JMJD7: variants seen among roughly 807,000 people sequenced by gnomAD.
JMJD7 encodes jumonji domain containing 7.
A neutral mutation model predicts 41.1 loss-of-function variants in JMJD7; 41 were observed. That is an observed-to-expected ratio of 1.00 (90% CI 0.78 to 1.30). The LOEUF (loss-of-function observed/expected upper bound fraction) is 1.30. Ranked by LOEUF, JMJD7 falls within the 50% of genes most tolerant of loss-of-function variation. The pLI, the probability that JMJD7 is intolerant of heterozygous loss-of-function variation, is 0.00. For missense variants in JMJD7, 480 were observed against 420.7 expected, an observed-to-expected ratio of 1.14 and a Z score of -1.23; for synonymous variants, 202 against 177.2, an observed-to-expected ratio of 1.14 and a Z score of -1.11.
intron 5 of JMJD7, 35 bp from the exon 6 acceptor site, chr15:41,836,440 G>A (rs1465952351): frequency 6.4e-7 from 1 of 1,561,854 alleles, no homozygotes; most frequent in Non-Finnish European, 8.7e-7. Flanking sequence ...CAGGCTGTTT[G>A]CAATTCCCCC....
chr15:41,830,098 C>T (rs1192455920), intron 1 of JMJD7, among the ~76,000 whole-genome samples: 1 of 152,114 alleles, frequency 6.6e-6, no homozygotes, highest in African/African-American at 2.4e-5. Context: ...CCTGCATCCC[C>T]GAGGCAGCCG....
intron 6 of JMJD7, 86 bp from the exon 7 acceptor site, chr15:41,836,695 C>T (rs1413886656): frequency 2.0e-6 from 3 of 1,490,254 alleles, no homozygotes; most frequent in Non-Finnish European, 2.7e-6. Context: ...CCAAGCAGGG[C>T]CTGTGGTGTT....
chr15:41,836,123 C>T (rs1445051668), intron 4 of JMJD7, 25 bp from the exon 5 acceptor site: 29 of 1,569,964 alleles, frequency 1.8e-5, no homozygotes, highest in Non-Finnish European at 2.4e-5. Flanking sequence ...CATACCCTGC[C>T]CCCGGGCCTT....
intron 1 of JMJD7, among the ~76,000 whole-genome samples, chr15:41,833,489 T>G (rs2065264718): frequency 7.0e-6 from 1 of 143,846 alleles, no homozygotes; most frequent in South Asian, 2.2e-4. Flanking sequence ...GGCACGATGA[T>G]AGCTCATTGC....
At chr15:41,836,305 G>T in intron 5 of JMJD7, 62 bp downstream of exon 5, 1 of 1,600,946 alleles carries the variant, frequency 6.2e-7, no homozygotes, top group Non-Finnish European at 8.5e-7. Flanking sequence ...GAGGGAGGCA[G>T]CAAGAGCCTG....
rs570637720 is a variant in JMJD7 at position 41,835,570 on chromosome 15, C to A, written c.473-18C>A. ...CAGCCTGGCCTTCCTAACTTGCTCT[C>A]TGCCTTCTGCCCTGCAGGAAAGATG... On this transcript the variant is annotated intron_variant, in intron 3 of 7. Transcript: ENST00000397299. 3.7e-6 allele frequency: 6 copies of A among 1,611,360 alleles called. No individual in the cohort carries two copies. In the South Asian group the frequency reaches 6.6e-5, roughly 18 times the overall value.
intron 1 of JMJD7, among the ~76,000 whole-genome samples, chr15:41,831,875 A>G (rs1024878232): frequency 6.6e-6 from 1 of 152,224 alleles, no homozygotes; most frequent in African/African-American, 2.4e-5. Context: ...GAGCTGTAAC[A>G]TGAAGAGGAC....
At chr15:41,835,475 AC>A in intron 3 of JMJD7, 112 bp from the exon 4 acceptor site, 1 of 1,466,498 alleles carries the variant, frequency 6.8e-7, no homozygotes, top group South Asian at 1.3e-5. Flanking sequence ...CTTCTCCCTG[AC>A]CCCTTTCTTG....
intron 1 of JMJD7, among the ~76,000 whole-genome samples, chr15:41,831,977 A>G (rs1422448226): frequency 2.0e-5 from 3 of 152,200 alleles, no homozygotes; most frequent in East Asian, 3.9e-4. Context: ...GAGCTTCCCA[A>G]GCTGGGGTTC....
At chr15:41,832,671 T>G (rs1313048744) in intron 1 of JMJD7, among the ~76,000 whole-genome samples, 1 of 152,104 alleles carries the variant, frequency 6.6e-6, no homozygotes, top group African/African-American at 2.4e-5. Flanking sequence ...CCCAGTGGGG[T>G]CTTCTCACTC....
At chr15:41,831,513 T>A (rs745784075) in intron 1 of JMJD7, among the ~76,000 whole-genome samples, 1 of 152,208 alleles carries the variant, frequency 6.6e-6, no homozygotes, top group Non-Finnish European at 1.5e-5. Context: ...CCACGGCCTT[T>A]TGGCTCGACC....
chr15:41,831,905 G>A (rs1021705912), intron 1 of JMJD7, among the ~76,000 whole-genome samples: 13 of 152,186 alleles, frequency 8.5e-5, no homozygotes, highest in African/African-American at 2.7e-4. Context: ...CGTCTTGCTC[G>A]CCACATTGTG....
intron 1 of JMJD7, among the ~76,000 whole-genome samples, chr15:41,833,428 T>A (rs2065263043): frequency 1.0e-5 from 1 of 99,094 alleles, no homozygotes; most frequent in African/African-American, 3.0e-5. Flanking sequence ...TTTTTTTTTT[T>A]TTTTTTTTTT....
Position 41,835,650 on chromosome 15 carries a change from T to G in JMJD7, c.529+6T>G, listed in dbSNP as rs975879459. The G allele has an allele frequency of 1.1e-5, 17 of 1,612,492 alleles. No homozygotes were observed. The highest frequency in any genetic ancestry group is 1.4e-5 in the Non-Finnish European group (17 of 1,179,378). On this transcript the variant is annotated splice_donor_region_variant and intron_variant, in intron 4 of 7. Coordinates refer to ENST00000397299, the MANE Select transcript of JMJD7 (RefSeq NM_001114632.2). ...GGCGGCTGCAGTGACTTCTTGTAGGTGTAAGGGGAATACAAAGGTGGGGAA... is the reference window on the plus strand; with the variant it reads ...GGCGGCTGCAGTGACTTCTTGTAGGGGTAAGGGGAATACAAAGGTGGGGAA...
Position 41,836,960 on chromosome 15 carries a change from G to T in JMJD7, c.862+20G>T. ...TCGCAGGTGAAGAGTTGCCCAGGCC[G>T]CCTGGGGAGAGGCCCTGTCAAGGTC... is the stretch of plus-strand genomic sequence containing the variant. On this transcript the variant is annotated intron_variant, in intron 7 of 7. Transcript: ENST00000397299. The T allele has an allele frequency of 1.2e-6, 2 of 1,610,548 alleles. No homozygotes were observed. Among genetic ancestry groups the T allele is most frequent in the Middle Eastern group, 3.3e-4 (2 of 6,048 alleles).
At chr15:41,833,414 A>ATATATATATATTTTTT (rs1239528383) in intron 1 of JMJD7, among the ~76,000 whole-genome samples, 4 of 32,014 alleles carry the variant, frequency 1.2e-4, no homozygotes, top group African/African-American at 9.4e-5. Flanking sequence ...ATATATATAT[A>ATATATATATATTTTTT]TTTTTTTTTT....
At position 41,828,099 on chromosome 15, in the gene JMJD7, G is replaced by A; in HGVS notation, c.-26G>A. 1 of 1,428,220 alleles carries A rather than the reference G, an allele frequency of 7.0e-7. No individual in the cohort carries two copies. 88.5% of individuals were successfully genotyped at this position (1,428,220 alleles called of 1,614,324 possible). On this transcript the variant is annotated 5_prime_UTR_variant, in exon 1 of 8. Transcript: ENST00000397299. ...TGCGGCGGGGCGTCGGGGAAAGGCG[G>A]GGTCTCGGCCGGCGCTGACGCAGCC...
chr15:41,835,786 C>G (rs2065304093), intron 4 of JMJD7, 142 bp downstream of exon 4: 1 of 1,049,458 alleles, frequency 9.5e-7, no homozygotes, highest in East Asian at 2.6e-5. Flanking sequence ...GACTCGGGCA[C>G]CACAGAGGGT....
At chr15:41,833,915 C>T (rs887040235) in intron 1 of JMJD7, among the ~76,000 whole-genome samples, 1 of 152,022 alleles carries the variant, frequency 6.6e-6, no homozygotes, top group African/African-American at 2.4e-5. Flanking sequence ...GGAGAGGAGA[C>T]GGTGGGTTTG....
Sources: allele counts gnomAD v4.1 joint callset (sites outside exome capture counted in the v4.1 genomes callset), GRCh38; gene constraint gnomAD v4.1.1; transcripts MANE v1.5; gene names NCBI Gene and HGNC (gene_info 2026-07-23, HGNC 2026-07-21).